The following CWC27 variants were observed in gnomAD, a reference collection of about 807,000 sequenced individuals.
The protein encoded by CWC27 is spliceosome-associated protein CWC27 homolog.
In CWC27, 47 loss-of-function variants were observed where a neutral mutation model predicts 63.6. The observed-to-expected ratio is 0.74, with a 90% CI of 0.58 to 0.94. CWC27 has a LOEUF of 0.94. Ranked by LOEUF, CWC27 falls within the 40% of genes least tolerant of loss-of-function variation. The pLI is 0.00. For missense variants in CWC27, 495 were observed against 554.3 expected (o/e 0.89, Z 1.07); for synonymous variants, 175 against 179.8 (o/e 0.97, Z 0.22).
At chr5:64,962,579 T>C (rs543316057) in intron 11 of CWC27, among the ~76,000 whole-genome samples, 21 of 152,170 alleles carry the variant, frequency 1.4e-4, no homozygotes, top group African/African-American at 4.8e-4. Flanking sequence ...GCAGAAAAAA[T>C]GAAAGACTCT....
chr5:64,923,936 A>G (rs1429948115), intron 11 of CWC27, among the ~76,000 whole-genome samples: 3 of 151,900 alleles, frequency 2.0e-5, no homozygotes, highest in Non-Finnish European at 4.4e-5. Context: ...TTTTAGTGTC[A>G]TCTTTGGCTT....
intron 11 of CWC27, among the ~76,000 whole-genome samples, chr5:64,942,438 T>TAAAAAAAA (rs35936421): frequency 4.4e-4 from 42 of 96,496 alleles, no homozygotes; most frequent in African/African-American, 1.6e-3. Context: ...CCTATCTCTT[T>TAAAAAAAA]AAAAAAAAAA....
At chr5:64,907,690 C>CCAA (rs1251485478) in intron 11 of CWC27, among the ~76,000 whole-genome samples, 3 of 152,168 alleles carry the variant, frequency 2.0e-5, no homozygotes, top group Non-Finnish European at 4.4e-5. Flanking sequence ...GCCAGAACTT[C>CCAA]CAACACTATG....
chr5:64,868,982 A>G (rs975945384), intron 10 of CWC27, among the ~76,000 whole-genome samples: 2 of 152,040 alleles, frequency 1.3e-5, no homozygotes, highest in Non-Finnish European at 2.9e-5. Context: ...GTGAGGATTC[A>G]ATGAGAAGGT....
At position 64,785,584 on chromosome 5, in the gene CWC27, G is replaced by T; in HGVS notation, c.495+5G>T. On this transcript the variant is annotated splice_donor_5th_base_variant and intron_variant, in intron 5 of 13. Transcript: ENST00000381070. ...CACAAAATAAAAAGCTGTGAGGTAGGAGCATGATTATTACGAGATACAGCA... is the reference window on the plus strand; with the variant it reads ...CACAAAATAAAAAGCTGTGAGGTAGTAGCATGATTATTACGAGATACAGCA... 6.4e-7 allele frequency: 1 copy of T among 1,559,082 alleles called. No homozygotes were observed. Among genetic ancestry groups the T allele is most frequent in the South Asian group, 1.2e-5 (1 of 86,874 alleles).
chr5:64,905,266 A>T (rs1747607047), intron 11 of CWC27, among the ~76,000 whole-genome samples: 1 of 150,842 alleles, frequency 6.6e-6, no homozygotes, highest in Admixed American at 6.6e-5. Flanking sequence ...GCCAGGCTTC[A>T]TGATTACTAC....
intron 10 of CWC27, among the ~76,000 whole-genome samples, chr5:64,868,903 T>A (rs116662026): frequency 0.011 from 1,644 of 152,154 alleles, 22 homozygotes; most frequent in African/African-American, 0.038. Context: ...CTTCCCTCTG[T>A]CAAATTTCCA....
Position 64,977,222 on chromosome 5 carries a change from G to C in CWC27, c.1240G>C (p.Glu414Gln), listed in dbSNP as rs139204212. The stretch of plus-strand genomic sequence containing the variant: ...AAATGACATTCCTGAAACAGAAGTA[G>C]AAGATGATGAAGGATGGTAAGGGCT... ...PENDIPETEV[E>Q]DDEGWMSHVL... Residue 414 changes from glutamate to glutamine, a missense_variant, in exon 13 of 14, where the codon GAA (glutamate) becomes CAA (glutamine). Physicochemically the swap from Glu to Gln is conservative, Grantham distance 29. Transcript: ENST00000381070. 3.5e-5 allele frequency: 56 copies of C among 1,608,038 alleles called. No individual in the cohort carries two copies. In the African/African-American group the frequency reaches 6.3e-4, roughly 18 times the overall value.
chr5:64,920,514 C>T (rs1311591521), intron 11 of CWC27, among the ~76,000 whole-genome samples: 2 of 151,966 alleles, frequency 1.3e-5, no homozygotes, highest in Admixed American at 6.6e-5. Flanking sequence ...AATCCCCGTC[C>T]CTCAATTTTT....
chr5:64,836,460 T>C (rs1580658088), intron 10 of CWC27, among the ~76,000 whole-genome samples: 2 of 152,060 alleles, frequency 1.3e-5, no homozygotes, highest in Non-Finnish European at 2.9e-5. Context: ...TCTGTGGAGA[T>C]GTTTTTATCA....
intron 11 of CWC27, among the ~76,000 whole-genome samples, chr5:64,936,579 T>C (rs1454631699): frequency 1.3e-5 from 2 of 151,850 alleles, no homozygotes; most frequent in Non-Finnish European, 2.9e-5. Context: ...GTTGTGTCTC[T>C]GCAGGTTTTG....
intron 7 of CWC27, among the ~76,000 whole-genome samples, chr5:64,794,187 C>T (rs1580606563): frequency 6.6e-6 from 1 of 152,160 alleles, no homozygotes; most frequent in East Asian, 1.9e-4. Context: ...CCATAATAAT[C>T]GTATCTTGAG....
chr5:64,975,314 T>C (rs1749208255), intron 12 of CWC27, among the ~76,000 whole-genome samples: 1 of 152,232 alleles, frequency 6.6e-6, no homozygotes, highest in African/African-American at 2.4e-5. Context: ...AGATAAATTC[T>C]GGAGCTTAGG....
intron 11 of CWC27, among the ~76,000 whole-genome samples, chr5:64,970,361 C>T (rs1478665117): frequency 2.6e-5 from 4 of 151,934 alleles, no homozygotes; most frequent in East Asian, 1.9e-4. Context: ...TACAGGCGCC[C>T]GCCACCACGC....
At chr5:64,886,206 A>G (rs968646898) in intron 11 of CWC27, among the ~76,000 whole-genome samples, 5 of 152,148 alleles carry the variant, frequency 3.3e-5, no homozygotes, top group Non-Finnish European at 7.4e-5. Context: ...TCAAAAAAAA[A>G]GCTTTTTCAT....
At chr5:64,773,462 A>G (rs886847840) in intron 1 of CWC27, among the ~76,000 whole-genome samples, 1 of 152,196 alleles carries the variant, frequency 6.6e-6, no homozygotes, top group Non-Finnish European at 1.5e-5. Context: ...AGTAGGGGTA[A>G]ATAGGGAGTG....
intron 10 of CWC27, among the ~76,000 whole-genome samples, chr5:64,824,360 T>C (rs1053750606): frequency 2.0e-5 from 3 of 152,212 alleles, no homozygotes; most frequent in Admixed American, 6.5e-5. Context: ...TTTTAAGATA[T>C]AGCTTAAGAG....
intron 13 of CWC27, among the ~76,000 whole-genome samples, chr5:65,007,520 G>T (rs187937300): frequency 9.8e-4 from 149 of 152,116 alleles, no homozygotes; most frequent in Non-Finnish European, 1.4e-3. Context: ...AGCAGGATTG[G>T]TTTCTGGTGA....
At chr5:64,830,521 G>T (rs1484510725) in intron 10 of CWC27, among the ~76,000 whole-genome samples, 1 of 152,014 alleles carries the variant, frequency 6.6e-6, no homozygotes, top group African/African-American at 2.4e-5. Flanking sequence ...CATGGGCAAG[G>T]ACTTCATGAC....
Sources: gnomAD v4.1 joint callset for allele counts (sites outside exome capture counted in the v4.1 genomes callset) on GRCh38, gnomAD v4.1.1 for gene constraint, MANE v1.5 for transcripts, NCBI Gene and HGNC (gene_info 2026-07-23, HGNC 2026-07-21) for gene names.